The following XPR1 variants were observed in gnomAD, a reference collection of about 807,000 sequenced individuals.
The protein encoded by XPR1 is solute carrier family 53 member 1.
In XPR1, 28 loss-of-function variants were observed where a neutral mutation model predicts 87.5. The ratio of observed to expected loss-of-function variants is 0.32; its 90% CI spans 0.24 to 0.44. The LOEUF is 0.44. Among genes scored for constraint, XPR1 ranks in the 20% least tolerant of loss-of-function variants. The pLI, the probability that XPR1 is intolerant of heterozygous loss-of-function variation, is 1.00. For synonymous variants in XPR1, 300 were observed against 306.1 expected, an observed-to-expected ratio of 0.98 and a Z score of 0.21; for missense variants, 559 against 862.3, an observed-to-expected ratio of 0.65 and a Z score of 4.41.
rs550420863 is a variant in XPR1, at chr1:180,760,761, C to A, written c.122-26992C>A. ...GACTTTCTTCACAGAATTGGAAAAA[C>A]CTACTTTAAAGTTCATATGGAACCA... is the stretch of plus-strand genomic sequence containing the variant. On this transcript the variant is annotated intron_variant, in intron 2 of 14. Coordinates refer to ENST00000367590, the MANE Select transcript of XPR1 (RefSeq NM_004736.4). 2.5e-3 allele frequency among the ~76,000 whole-genome samples: 376 copies of A among 152,160 alleles called. 2 individuals are homozygous for A. The highest frequency in any genetic ancestry group is 7.7e-3 in the African/African-American group (318 of 41,534).
chr1:180,814,201 A>G (rs139984440), intron 7 of XPR1, among the ~76,000 whole-genome samples: 2 of 152,206 alleles, frequency 1.3e-5, no homozygotes, highest in Admixed American at 1.3e-4. Flanking sequence ...AATTTTACCT[A>G]TTAACAGTGT....
At chr1:180,845,988 G>A (rs1219424028) in intron 11 of XPR1, among the ~76,000 whole-genome samples, 2 of 152,154 alleles carry the variant, frequency 1.3e-5, no homozygotes, top group African/African-American at 2.4e-5. Context: ...GGCTGGGCAC[G>A]GTGGCTCACG....
At chr1:180,791,800 A>G (rs1008402269) in intron 3 of XPR1, among the ~76,000 whole-genome samples, 8 of 152,168 alleles carry the variant, frequency 5.3e-5, no homozygotes, top group Admixed American at 2.0e-4. Context: ...GATCCACTAA[A>G]TTGGTTTTAT....
chr1:180,748,672 C>T (rs1410913700), intron 2 of XPR1, among the ~76,000 whole-genome samples: 4 of 151,930 alleles, frequency 2.6e-5, no homozygotes, highest in Non-Finnish European at 5.9e-5. Flanking sequence ...CCCACCTCAG[C>T]CTCCCAAAGT....
At chr1:180,738,302 C>T (rs559321807) in intron 2 of XPR1, among the ~76,000 whole-genome samples, 1 of 152,178 alleles carries the variant, frequency 6.6e-6, no homozygotes, top group Non-Finnish European at 1.5e-5. Context: ...TGAGCCGCTG[C>T]ACCTGGCCCA....
At chr1:180,878,426 T>C (rs1433720402) in intron 13 of XPR1, 3 of 152,240 alleles carry the variant, frequency 2.0e-5, no homozygotes, top group Admixed American at 1.3e-4. Context: ...CATTCAAGTA[T>C]GTATTCCCAA....
intron 1 of XPR1, among the ~76,000 whole-genome samples, chr1:180,658,241 A>T (rs1171938612): frequency 6.6e-6 from 1 of 152,176 alleles, no homozygotes; most frequent in African/African-American, 2.4e-5. Context: ...AAACATGAAT[A>T]GTTTGACTTC....
chr1:180,720,934 T>C (rs1658161436), intron 2 of XPR1, among the ~76,000 whole-genome samples: 1 of 152,152 alleles, frequency 6.6e-6, no homozygotes, highest in Admixed American at 6.6e-5. Context: ...TGGTTAAATG[T>C]CATTCAAATT....
chr1:180,729,687 A>T (rs1186234843), intron 2 of XPR1, among the ~76,000 whole-genome samples: 6 of 152,120 alleles, frequency 3.9e-5, no homozygotes, highest in African/African-American at 1.4e-4. Flanking sequence ...CTTGTTGGCC[A>T]TGTGTATATC....
intron 2 of XPR1, among the ~76,000 whole-genome samples, chr1:180,777,321 T>C (rs532589859): frequency 1.3e-5 from 2 of 152,346 alleles, no homozygotes; most frequent in South Asian, 4.1e-4. Flanking sequence ...TATTTGATCA[T>C]ACTATTCTCT....
chr1:180,637,799 C>CT (rs1219285564), intron 1 of XPR1, among the ~76,000 whole-genome samples: 6 of 152,334 alleles, frequency 3.9e-5, no homozygotes, highest in Admixed American at 2.6e-4. Flanking sequence ...CGTGATCCGC[C>CT]TGCCTCAGCC....
intron 2 of XPR1, among the ~76,000 whole-genome samples, chr1:180,784,536 T>A (rs181637170): frequency 1.9e-4 from 29 of 152,234 alleles, no homozygotes; most frequent in African/African-American, 6.3e-4. Context: ...TGGTGTTTTA[T>A]GGAATGGAAA....
chr1:180,763,629 C>T (rs1317245354), intron 2 of XPR1, among the ~76,000 whole-genome samples: 1 of 152,068 alleles, frequency 6.6e-6, no homozygotes, highest in African/African-American at 2.4e-5. Context: ...AGAAAAAGTG[C>T]CCATATGTGA....
intron 11 of XPR1, among the ~76,000 whole-genome samples, chr1:180,851,626 A>G (rs1448338107): frequency 6.6e-6 from 1 of 152,182 alleles, no homozygotes; most frequent in Non-Finnish European, 1.5e-5. Flanking sequence ...ACCTACTACA[A>G]GAATGTTTCC....
intron 11 of XPR1, among the ~76,000 whole-genome samples, chr1:180,840,341 C>T (rs1325351562): frequency 6.6e-6 from 1 of 151,738 alleles, no homozygotes; most frequent in Non-Finnish European, 1.5e-5. Flanking sequence ...GAATTTATGC[C>T]CTGCTTTTAG....
intron 11 of XPR1, among the ~76,000 whole-genome samples, chr1:180,856,850 T>C (rs1051088354): frequency 1.3e-5 from 2 of 152,206 alleles, no homozygotes; most frequent in African/African-American, 4.8e-5. Flanking sequence ...CACCTCAAAC[T>C]CATCTCCCCA....
At position 180,887,698 on chromosome 1, in the gene XPR1, T is replaced by C. The variant is rs1453005065; in HGVS notation, c.*3632T>C. 5.3e-5 allele frequency: 8 copies of C among 152,338 alleles called. No homozygotes were observed. In the South Asian group the frequency reaches 1.0e-3, roughly 20 times the overall value. The allele number at this position is 152,338 out of a possible 1,614,324, so 9.4% of individuals were successfully genotyped here. A position where few individuals can be genotyped will look rare whatever the true frequency, so the allele number is the denominator to read the frequency against. ...CACCATTCACCTCAGTAGTAACTTATAAAAACCGTTTAAAGAAGGAAAATG... is the reference window on the plus strand; with the variant it reads ...CACCATTCACCTCAGTAGTAACTTACAAAAACCGTTTAAAGAAGGAAAATG... On this transcript the variant is annotated 3_prime_UTR_variant, in exon 15 of 15. Transcript: ENST00000367590.
At chr1:180,656,476 A>AT (rs1452648601) in intron 1 of XPR1, among the ~76,000 whole-genome samples, 447 of 18,938 alleles carry the variant, frequency 0.024, 99 homozygotes, top group African/African-American at 0.13. Flanking sequence ...ATATTTATAC[A>AT]TTATATATAA....
In XPR1 at chr1:180,836,515, T is replaced by C. The variant is rs754405957; in HGVS notation, c.1307-7T>C. On this transcript the variant is annotated splice_polypyrimidine_tract_variant and splice_region_variant and intron_variant, in intron 10 of 14. Transcript: ENST00000367590. ...ATGGTAATTTTTCTTCTTTGAAATCTTCACAGAATCAGGAATTTGCCACAA... is the reference window on the plus strand; with the variant it reads ...ATGGTAATTTTTCTTCTTTGAAATCCTCACAGAATCAGGAATTTGCCACAA... 20 of 1,613,848 alleles carry C rather than the reference T, an allele frequency of 1.2e-5. No homozygotes were observed. The East Asian group carries it at 3.6e-4, about 29-fold the overall frequency.
Sources: allele counts gnomAD v4.1 joint callset (sites outside exome capture counted in the v4.1 genomes callset), GRCh38; gene constraint gnomAD v4.1.1; transcripts MANE v1.5; gene names NCBI Gene and HGNC (gene_info 2026-07-23, HGNC 2026-07-21).